TMEM232: variants seen among roughly 807,000 people sequenced by gnomAD.
TMEM232 encodes the protein transmembrane protein 232.
TMEM232 carries 80 observed loss-of-function variants against 78.8 expected under a neutral mutation model. The observed-to-expected ratio is 1.01, with a 90% CI of 0.85 to 1.22. The LOEUF is 1.22. Among genes scored for constraint, TMEM232 ranks in the 50% most tolerant of loss-of-function variants. The pLI, the probability that TMEM232 is intolerant of heterozygous loss-of-function variation, is 0.00. For synonymous variants in TMEM232, 297 were observed against 254.3 expected (o/e 1.17, Z -1.60); for missense variants, 881 against 742.2 (o/e 1.19, Z -2.17).
chr5:110,410,563 G>T (rs905398931), intron 2 of TMEM232, among the ~76,000 whole-genome samples: 1 of 152,154 alleles, frequency 6.6e-6, no homozygotes. Context: ...GCTGTCTAAA[G>T]TTGGGCAACT....
At chr5:110,388,123 T>C (rs1194302476) in intron 4 of TMEM232, 2 of 152,006 alleles carry the variant, frequency 1.3e-5, no homozygotes, top group East Asian at 3.9e-4. Flanking sequence ...AAAAGGGAAA[T>C]GTGGCAGACC....
intron 11 of TMEM232, among the ~76,000 whole-genome samples, chr5:110,543,806 G>A (rs1269571785): frequency 6.6e-6 from 1 of 152,058 alleles, no homozygotes; most frequent in African/African-American, 2.4e-5. Flanking sequence ...AAACAGTTTG[G>A]TTATAACATA....
intron 12 of TMEM232, among the ~76,000 whole-genome samples, chr5:110,464,659 T>G (rs1448246622): frequency 6.6e-6 from 1 of 152,210 alleles, no homozygotes; most frequent in Non-Finnish European, 1.5e-5. Flanking sequence ...TTGACACCAC[T>G]AAGTTTATGG....
chr5:110,596,349 C>A (rs1381305152), intron 10 of TMEM232, among the ~76,000 whole-genome samples: 3 of 152,070 alleles, frequency 2.0e-5, no homozygotes, highest in South Asian at 2.1e-4. Flanking sequence ...CAATAACAGG[C>A]TCTGAAAGTG....
At chr5:110,601,574 A>T (rs1248406317) in intron 10 of TMEM232, among the ~76,000 whole-genome samples, 1 of 152,182 alleles carries the variant, frequency 6.6e-6, no homozygotes, top group Non-Finnish European at 1.5e-5. Flanking sequence ...AATACCTAGG[A>T]ATCAAACTTA....
downstream of TMEM232, among the ~76,000 whole-genome samples, chr5:110,419,158 CT>C (rs1163950911): frequency 7.2e-6 from 1 of 138,754 alleles, no homozygotes; most frequent in Non-Finnish European, 1.5e-5. Context: ...ACTAGCTGGT[CT>C]TCTATAGATT....
chr5:110,614,013 TA>T (rs906109218), intron 8 of TMEM232, among the ~76,000 whole-genome samples: 4 of 151,876 alleles, frequency 2.6e-5, no homozygotes, highest in African/African-American at 9.7e-5. Flanking sequence ...TAATCTTTTT[TA>T]AAAAAAAGAT....
chr5:110,644,906 A>G (rs961162531), intron 2 of TMEM232, among the ~76,000 whole-genome samples: 3 of 151,474 alleles, frequency 2.0e-5, no homozygotes, highest in African/African-American at 7.2e-5. Context: ...ATGAAAGTGA[A>G]AACATTATAA....
intron 2 of TMEM232, among the ~76,000 whole-genome samples, chr5:110,411,904 C>G (rs1412522221): frequency 6.6e-6 from 1 of 151,916 alleles, no homozygotes; most frequent in Admixed American, 6.6e-5. Context: ...TGGGTGTACC[C>G]TCTTCTATTT....
Position 110,522,185 on chromosome 5 carries a change from G to A in TMEM232, c.1703+6403C>T, listed in dbSNP as rs556520663. Among the ~76,000 whole-genome samples the A allele has an allele frequency of 3.3e-5, 5 of 151,900 alleles. No individual in the cohort carries two copies. The East Asian group carries it at 7.7e-4, about 24-fold the overall frequency. On this transcript the variant is annotated intron_variant, in intron 12 of 13. Transcript: ENST00000455884. ...GTATTTTATTCTTTTTCATACTATT[G>A]TAAATGTAACTGTTTTCCTAATTTA...
At chr5:110,689,922 T>A (rs957933087) in intron 1 of TMEM232, among the ~76,000 whole-genome samples, 3 of 152,202 alleles carry the variant, frequency 2.0e-5, no homozygotes, top group African/African-American at 7.2e-5. Context: ...TTGGGAAAAC[T>A]GGCTAGCCAT....
At chr5:110,458,762 C>T (rs938945033) in intron 12 of TMEM232, among the ~76,000 whole-genome samples, 2 of 151,840 alleles carry the variant, frequency 1.3e-5, no homozygotes, top group African/African-American at 4.8e-5. Flanking sequence ...TTTATATTCC[C>T]TCTATGTGTT....
chr5:110,499,598 GA>G (rs769798226), intron 12 of TMEM232, among the ~76,000 whole-genome samples: 15 of 147,196 alleles, frequency 1.0e-4, no homozygotes, highest in Non-Finnish European at 1.9e-4. Flanking sequence ...AAGGTGAAAG[GA>G]AAAGAGAGGG....
intron 4 of TMEM232, among the ~76,000 whole-genome samples, chr5:110,640,546 A>G (rs1289604190): frequency 6.6e-6 from 1 of 152,166 alleles, no homozygotes; most frequent in Non-Finnish European, 1.5e-5. Flanking sequence ...TATAAGTAAT[A>G]ATTATAAAAT....
chr5:110,570,410 A>C (rs1198450538), intron 10 of TMEM232, among the ~76,000 whole-genome samples: 1 of 151,972 alleles, frequency 6.6e-6, no homozygotes, highest in Non-Finnish European at 1.5e-5. Context: ...CTGTATCTTC[A>C]AGTAATTGGC....
At chr5:110,552,392 C>T (rs78139921) in intron 11 of TMEM232, among the ~76,000 whole-genome samples, 5,772 of 151,878 alleles carry the variant, frequency 0.038, 162 homozygotes, top group Non-Finnish European at 0.053. Context: ...AATAATAAGA[C>T]GTAATATGCA....
intron 1 of TMEM232, among the ~76,000 whole-genome samples, chr5:110,694,837 C>T (rs529870781): frequency 3.1e-4 from 47 of 152,090 alleles, no homozygotes; most frequent in South Asian, 1.0e-3. Flanking sequence ...ACTTAGACTC[C>T]GACACAATAA....
At chr5:110,655,790 G>A (rs1381269103) in intron 2 of TMEM232, among the ~76,000 whole-genome samples, 1 of 151,384 alleles carries the variant, frequency 6.6e-6, no homozygotes, top group East Asian at 1.9e-4. Flanking sequence ...ATCATTCTCA[G>A]TAAACTATCG....
intron 12 of TMEM232, among the ~76,000 whole-genome samples, chr5:110,476,541 C>T (rs1763274278): frequency 6.6e-6 from 1 of 151,894 alleles, no homozygotes. Context: ...TGTATGTGAT[C>T]CTGAAATATA....
Sources: gnomAD v4.1 joint callset for allele counts (sites outside exome capture counted in the v4.1 genomes callset) on GRCh38, gnomAD v4.1.1 for gene constraint, MANE v1.5 for transcripts, NCBI Gene and HGNC (gene_info 2026-07-23, HGNC 2026-07-21) for gene names.